SLC2A13: variants seen among roughly 807,000 people sequenced by gnomAD.
The protein encoded by SLC2A13 is proton myo-inositol cotransporter.
Under a neutral mutation model 64.4 loss-of-function variants are expected in SLC2A13, and 32 were observed. The ratio of observed to expected loss-of-function variants is 0.50; its 90% CI spans 0.37 to 0.67. SLC2A13 has a LOEUF of 0.67. SLC2A13 is among the 30% of genes least tolerant of loss of function. The pLI is 0.00. For missense variants in SLC2A13, 743 were observed against 829.2 expected (o/e 0.90, Z 1.28); for synonymous variants, 338 against 327.1 (o/e 1.03, Z -0.36).
At chr12:40,049,227 A>G (rs951849509) in intron 1 of SLC2A13, among the ~76,000 whole-genome samples, 2 of 151,626 alleles carry the variant, frequency 1.3e-5, no homozygotes, top group Admixed American at 6.6e-5. Context: ...AAAAAAAAAG[A>G]TTGCCTAAAA....
At chr12:39,809,181 C>G (rs1027153042) in intron 7 of SLC2A13, among the ~76,000 whole-genome samples, 3 of 152,098 alleles carry the variant, frequency 2.0e-5, no homozygotes, top group Non-Finnish European at 2.9e-5. Flanking sequence ...TATTCTTTCC[C>G]CATTGGATTA....
intron 3 of SLC2A13, among the ~76,000 whole-genome samples, chr12:39,960,644 G>T (rs921562055): frequency 3.3e-5 from 5 of 151,450 alleles, no homozygotes; most frequent in African/African-American, 1.2e-4. Context: ...CCTCCAAAGT[G>T]TTGGGATTAC....
At chr12:40,084,476 TACTC>T (rs59017614) in intron 1 of SLC2A13, among the ~76,000 whole-genome samples, 3,461 of 152,310 alleles carry the variant, frequency 0.023, 137 homozygotes, top group African/African-American at 0.078. Flanking sequence ...AAGCCAAGCT[TACTC>T]ACGGGGCTGG....
chr12:39,780,167 A>G (rs1222532844), intron 7 of SLC2A13, among the ~76,000 whole-genome samples: 3 of 152,206 alleles, frequency 2.0e-5, no homozygotes, highest in African/African-American at 4.8e-5. Context: ...TCTGATGACA[A>G]TTCAAAGCAA....
At chr12:39,770,000 A>T (rs1453211728) in intron 7 of SLC2A13, among the ~76,000 whole-genome samples, 1 of 152,010 alleles carries the variant, frequency 6.6e-6, no homozygotes, top group Non-Finnish European at 1.5e-5. Flanking sequence ...GTGGTGCTTG[A>T]CATTGCTGAC....
At chr12:39,821,692 C>T (rs1482643994) in intron 7 of SLC2A13, among the ~76,000 whole-genome samples, 1 of 152,092 alleles carries the variant, frequency 6.6e-6, no homozygotes. Flanking sequence ...CGTGGCAAAT[C>T]CTTGTTTAAA....
chr12:40,083,330 A>G (rs973559689), intron 1 of SLC2A13, among the ~76,000 whole-genome samples: 5 of 152,114 alleles, frequency 3.3e-5, no homozygotes, highest in African/African-American at 1.2e-4. Flanking sequence ...TGCTATGCAT[A>G]AAACCAGGAT....
chr12:39,851,593 TG>T (rs1943470679), intron 6 of SLC2A13, among the ~76,000 whole-genome samples: 2 of 152,190 alleles, frequency 1.3e-5, no homozygotes, highest in African/African-American at 2.4e-5. Context: ...CCATGCTAAA[TG>T]CCAAGGAGTA....
At chr12:39,911,013 G>A (rs1945418121) in intron 4 of SLC2A13, among the ~76,000 whole-genome samples, 1 of 152,116 alleles carries the variant, frequency 6.6e-6, no homozygotes, top group South Asian at 2.1e-4. Flanking sequence ...GAACCTGGGA[G>A]GTGTAGGTTG....
chr12:39,847,794 A>T (rs1007330159), intron 6 of SLC2A13, among the ~76,000 whole-genome samples: 1 of 152,110 alleles, frequency 6.6e-6, no homozygotes, highest in African/African-American at 2.4e-5. Context: ...TGGTACAAGT[A>T]TTTTTTTCAA....
At chr12:39,802,541 G>A (rs994656988) in intron 7 of SLC2A13, among the ~76,000 whole-genome samples, 4 of 152,140 alleles carry the variant, frequency 2.6e-5, no homozygotes, top group African/African-American at 9.7e-5. Context: ...ATTAAAAGGT[G>A]TACAAGCAGA....
At chr12:40,084,988 C>T (rs761286792) in intron 1 of SLC2A13, among the ~76,000 whole-genome samples, 5 of 152,152 alleles carry the variant, frequency 3.3e-5, no homozygotes, top group Admixed American at 6.5e-5. Context: ...GGTAACCAGT[C>T]GCCAATGGTT....
intron 3 of SLC2A13, among the ~76,000 whole-genome samples, chr12:39,981,764 C>G (rs1330617106): frequency 6.9e-5 from 10 of 144,034 alleles, no homozygotes; most frequent in Non-Finnish European, 1.5e-4. Flanking sequence ...GGAACTGGTA[C>G]CATTCCTTCT....
chr12:40,022,527 G>A (rs1947736307), intron 3 of SLC2A13, among the ~76,000 whole-genome samples: 2 of 152,146 alleles, frequency 1.3e-5, no homozygotes, highest in African/African-American at 4.8e-5. Flanking sequence ...GATGATCTAG[G>A]TAATATTAAC....
intron 7 of SLC2A13, among the ~76,000 whole-genome samples, chr12:39,775,883 T>C (rs994650723): frequency 2.0e-5 from 3 of 152,238 alleles, no homozygotes; most frequent in Admixed American, 6.5e-5. Flanking sequence ...TTATGCTTAC[T>C]GGTTGAGCAC....
At chr12:39,951,117 G>A in intron 4 of SLC2A13, 140 bp downstream of exon 4, 1 of 613,600 alleles carries the variant, frequency 1.6e-6, no homozygotes, top group Non-Finnish European at 2.6e-6. Context: ...TGTAAAGTCA[G>A]TATCTCCCAA....
intron 3 of SLC2A13, among the ~76,000 whole-genome samples, chr12:39,985,338 G>C (rs1033861147): frequency 2.0e-5 from 3 of 151,958 alleles, no homozygotes; most frequent in Admixed American, 1.3e-4. Flanking sequence ...TACCAAGTTA[G>C]CCATTATTTG....
intron 7 of SLC2A13, among the ~76,000 whole-genome samples, chr12:39,774,037 T>C (rs1409487982): frequency 6.6e-6 from 1 of 152,180 alleles, no homozygotes; most frequent in Non-Finnish European, 1.5e-5. Context: ...CCTCAAAACA[T>C]AGATATCCCT....
At position 39,756,714 on chromosome 12, in the gene SLC2A13, A is replaced by G. The variant is rs1939977171; in HGVS notation, c.*3312T>C. 6.6e-6 allele frequency: 1 copy of G among 151,650 alleles called. No homozygotes were observed. The highest frequency in any genetic ancestry group is 2.1e-4 in the South Asian group (1 of 4,832). The allele number at this position is 151,650 out of a possible 1,614,324, so 9.4% of individuals were successfully genotyped here. A position where few individuals can be genotyped will look rare whatever the true frequency, so the allele number is the denominator to read the frequency against. Reference sequence around the variant, plus strand: ...GCAAAAGGGTAAGTTGTCAGCTTATATTTTTCCTGATCATTCTTCCCCTGT... The same window carrying G: ...GCAAAAGGGTAAGTTGTCAGCTTATGTTTTTCCTGATCATTCTTCCCCTGT... On this transcript the variant is annotated 3_prime_UTR_variant, in exon 10 of 10. Transcript: ENST00000280871.
Sources: gnomAD v4.1 joint callset for allele counts (sites outside exome capture counted in the v4.1 genomes callset) on GRCh38, gnomAD v4.1.1 for gene constraint, MANE v1.5 for transcripts, NCBI Gene and HGNC (gene_info 2026-07-23, HGNC 2026-07-21) for gene names.